HYCC2: variants seen among roughly 807,000 people sequenced by gnomAD.
HYCC2 encodes hyccin PI4KA lipid kinase complex subunit 2.
the HYCC2 span, chr2:200,996,617 T>A: frequency 6.6e-6 from 1 of 152,174 alleles, no homozygotes. Context: ...AGAACAAGAT[T>A]TAAGCCTAGG....
chr2:201,067,324 G>A, the HYCC2 span: 2 of 152,240 alleles, frequency 1.3e-5, no homozygotes, highest in African/African-American at 2.4e-5. Context: ...TTCTAACACT[G>A]TTTGAAGTTT....
chr2:201,019,363 C>A, the HYCC2 span, among the ~76,000 whole-genome samples: 1 of 152,094 alleles, frequency 6.6e-6, no homozygotes, highest in African/African-American at 2.4e-5. Flanking sequence ...TACAGGGTTA[C>A]CAGCATTATT....
the HYCC2 span, among the ~76,000 whole-genome samples, chr2:201,044,670 C>T: frequency 0.031 from 4,696 of 152,248 alleles, 261 homozygotes; most frequent in African/African-American, 0.11. Flanking sequence ...TTACTTAGAA[C>T]AGTGACTGTA....
chr2:200,993,534 T>A, the HYCC2 span, among the ~76,000 whole-genome samples: 2 of 152,350 alleles, frequency 1.3e-5, no homozygotes, highest in East Asian at 3.9e-4. Flanking sequence ...ATATACTACA[T>A]TATTTAATCA....
the HYCC2 span, among the ~76,000 whole-genome samples, chr2:201,016,219 A>G: frequency 2.0e-5 from 3 of 152,230 alleles, no homozygotes; most frequent in Non-Finnish European, 4.4e-5. Flanking sequence ...TATCAAAAAA[A>G]TGCATTATCA....
At chr2:201,011,002 A>G in the HYCC2 span, among the ~76,000 whole-genome samples, 3 of 151,852 alleles carry the variant, frequency 2.0e-5, no homozygotes, top group Non-Finnish European at 4.4e-5. Flanking sequence ...AAAATTAGCC[A>G]GGCATGGTGG....
the HYCC2 span, among the ~76,000 whole-genome samples, chr2:201,050,065 A>AGCTGGGTG: frequency 6.6e-6 from 1 of 151,954 alleles, no homozygotes; most frequent in Non-Finnish European, 1.5e-5. Flanking sequence ...AAAAAAAATA[A>AGCTGGGTG]GCTGGGTGTG....
the HYCC2 span, among the ~76,000 whole-genome samples, chr2:201,047,114 T>A: frequency 6.6e-6 from 1 of 151,994 alleles, no homozygotes; most frequent in East Asian, 1.9e-4. Context: ...ACTACAAAAA[T>A]AATTAAATAA....
chr2:201,034,996 T>C, the HYCC2 span, among the ~76,000 whole-genome samples: 1 of 152,250 alleles, frequency 6.6e-6, no homozygotes, highest in African/African-American at 2.4e-5. Flanking sequence ...GGCTTCCCTT[T>C]GTGGGCAACC....
chr2:201,042,884 C>G, the HYCC2 span, among the ~76,000 whole-genome samples: 19 of 151,874 alleles, frequency 1.3e-4, no homozygotes, highest in Admixed American at 3.9e-4. Context: ...GCCGCCCCGT[C>G]TGGGAAGTGA....
the HYCC2 span, among the ~76,000 whole-genome samples, chr2:201,049,109 G>C: frequency 6.7e-6 from 1 of 148,270 alleles, no homozygotes; most frequent in Non-Finnish European, 1.5e-5. Context: ...TGGCAACTGA[G>C]TAAGACTCTG....
chr2:201,061,627 G>GTT, the HYCC2 span, among the ~76,000 whole-genome samples: 28 of 139,944 alleles, frequency 2.0e-4, no homozygotes, highest in African/African-American at 6.0e-4. Flanking sequence ...CATACTTATA[G>GTT]TTTTTTTTTT....
At chr2:201,011,466 C>T in the HYCC2 span, 18 of 1,556,724 alleles carry the variant, frequency 1.2e-5, no homozygotes, top group South Asian at 7.4e-5. Flanking sequence ...TCTTTATCAG[C>T]GATTTCCTAT....
the HYCC2 span, among the ~76,000 whole-genome samples, chr2:201,035,252 A>G: frequency 6.6e-5 from 10 of 152,150 alleles, no homozygotes; most frequent in African/African-American, 9.7e-5. Context: ...TCAGACGTAG[A>G]TTTGGTCTTT....
At chr2:200,979,174 C>G in the HYCC2 span, 1 of 151,190 alleles carries the variant, frequency 6.6e-6, no homozygotes, top group Non-Finnish European at 1.5e-5. Context: ...TTTTTAAACT[C>G]CTTTCATTTA....
chr2:201,010,105 A>C, the HYCC2 span, among the ~76,000 whole-genome samples: 7 of 146,954 alleles, frequency 4.8e-5, no homozygotes, highest in Admixed American at 6.8e-5. Context: ...CTCTGTCTCA[A>C]AAAAAAAAAA....
chr2:201,020,152 T>G, the HYCC2 span, among the ~76,000 whole-genome samples: 1 of 152,122 alleles, frequency 6.6e-6, no homozygotes, highest in Non-Finnish European at 1.5e-5. Context: ...GCAAGCACCA[T>G]GTTCTCAAAT....
At chr2:200,984,794 G>A in the HYCC2 span, among the ~76,000 whole-genome samples, 1 of 152,320 alleles carries the variant, frequency 6.6e-6, no homozygotes, top group Admixed American at 6.5e-5. Context: ...AATGGTAGAA[G>A]GATCACTAAG....
chr2:201,066,608 A>G, the HYCC2 span: 1 of 152,226 alleles, frequency 6.6e-6, no homozygotes, highest in South Asian at 2.1e-4. Context: ...TAATATGGAA[A>G]GGAATTTAAG....
Sources: allele counts gnomAD v4.1 joint callset (sites outside exome capture counted in the v4.1 genomes callset), GRCh38; gene constraint gnomAD v4.1.1; transcripts MANE v1.5; gene names NCBI Gene and HGNC (gene_info 2026-07-23, HGNC 2026-07-21).